Variants in FER1L6 observed in about 807,000 individuals in gnomAD.
FER1L6 encodes fer-1-like protein 6.
In FER1L6, 177 loss-of-function variants were observed where a neutral mutation model predicts 219.2. The observed-to-expected ratio is 0.81, with a 90% CI of 0.71 to 0.91. FER1L6 has a LOEUF of 0.91. Among genes scored for constraint, FER1L6 ranks in the 40% least tolerant of loss-of-function variants. The probability of loss-of-function intolerance (pLI) is 0.00; values close to 1 mark genes in which losing one functional copy is unlikely to be tolerated. For missense variants in FER1L6, 2,153 were observed against 2,259.9 expected (o/e 0.95, Z 0.96); for synonymous variants, 768 against 824.3 (o/e 0.93, Z 1.17).
At chr8:123,855,024 G>A (rs1437485242) in intron 1 of FER1L6, among the ~76,000 whole-genome samples, 1 of 152,128 alleles carries the variant, frequency 6.6e-6, no homozygotes, top group Non-Finnish European at 1.5e-5. Flanking sequence ...AGCTCCAAAG[G>A]AGACCCTATT....
chr8:123,958,404 G>A (rs1425361604), intron 2 of FER1L6, among the ~76,000 whole-genome samples: 2 of 152,166 alleles, frequency 1.3e-5, no homozygotes, highest in Admixed American at 1.3e-4. Context: ...GCATGGGTCA[G>A]GCTCCAGGTG....
At chr8:123,856,300 A>ATATGTATGTGTG (rs1816643883) in intron 1 of FER1L6, among the ~76,000 whole-genome samples, 6 of 70,468 alleles carry the variant, frequency 8.5e-5, no homozygotes, top group African/African-American at 2.9e-4. Context: ...GTGTATATAT[A>ATATGTATGTGTG]TATATATATG....
At chr8:124,009,932 AG>A (rs1817838458) in intron 13 of FER1L6, among the ~76,000 whole-genome samples, 1 of 151,858 alleles carries the variant, frequency 6.6e-6, no homozygotes, top group African/African-American at 2.4e-5. Context: ...TTCTAGTTTG[AG>A]GGTCGTGGAA....
At chr8:123,943,784 T>A (rs1258555838) in intron 1 of FER1L6, among the ~76,000 whole-genome samples, 1 of 151,858 alleles carries the variant, frequency 6.6e-6, no homozygotes, top group Non-Finnish European at 1.5e-5. Context: ...TGCTTGTCCT[T>A]AGAAACCTGG....
At chr8:124,002,593 C>T (rs1029229141) in intron 12 of FER1L6, among the ~76,000 whole-genome samples, 1 of 152,016 alleles carries the variant, frequency 6.6e-6, no homozygotes, top group East Asian at 1.9e-4. Context: ...AATATCTATT[C>T]CTATACAAAG....
chr8:123,932,111 T>A (rs2129925311), intron 1 of FER1L6, among the ~76,000 whole-genome samples: 1 of 152,206 alleles, frequency 6.6e-6, no homozygotes, highest in South Asian at 2.1e-4. Context: ...TATTTTATTT[T>A]ATTATTATTA....
Position 123,956,093 on chromosome 8 carries a change from TG to T in FER1L6, c.76+20del. On this transcript the variant is annotated intron_variant, in intron 2 of 40. Transcript: ENST00000522917. Reference sequence around the variant, plus strand: ...GCGAAAGGTGAGGCTGGGGGTGGGGTGCTGACCATTGGGGCCTGAGAGTCTC... The same window carrying T: ...GCGAAAGGTGAGGCTGGGGGTGGGGTCTGACCATTGGGGCCTGAGAGTCTC... The T allele has an allele frequency of 6.2e-7, 1 of 1,600,608 alleles. No homozygotes were observed. The highest frequency in any genetic ancestry group is 8.5e-7 in the Non-Finnish European group (1 of 1,172,596).
At chr8:124,032,281 C>T (rs940908581) in intron 18 of FER1L6, among the ~76,000 whole-genome samples, 10 of 152,066 alleles carry the variant, frequency 6.6e-5, no homozygotes, top group South Asian at 2.1e-4. Flanking sequence ...AAAAATTAGC[C>T]GGGTGTGGTG....
At chr8:124,049,452 G>A (rs1819898290) in intron 21 of FER1L6, among the ~76,000 whole-genome samples, 155 bp from the exon 22 acceptor site, 1 of 152,086 alleles carries the variant, frequency 6.6e-6, no homozygotes, top group Non-Finnish European at 1.5e-5. Flanking sequence ...CCAGACCTAC[G>A]GAAATGGGCA....
intron 11 of FER1L6, among the ~76,000 whole-genome samples, chr8:123,981,294 G>A (rs1242982688): frequency 6.6e-6 from 1 of 152,096 alleles, no homozygotes; most frequent in Non-Finnish European, 1.5e-5. Flanking sequence ...CAACTCTAGG[G>A]TATGCTTATT....
At chr8:124,114,436 A>G (rs995855852) in intron 39 of FER1L6, among the ~76,000 whole-genome samples, 1 of 152,190 alleles carries the variant, frequency 6.6e-6, no homozygotes, top group Non-Finnish European at 1.5e-5. Context: ...GTAGCAAAGA[A>G]GACTCCTAGC....
rs369866941 is a variant in FER1L6 at position 123,956,710 on chromosome 8, A to G, written c.76+636A>G. The stretch of plus-strand genomic sequence containing the variant: ...GACCGCAGAGCTTAAGCCAAGTGCA[A>G]TGAGGCTCTTCTGAGCTTAGGGTCC... On this transcript the variant is annotated intron_variant, in intron 2 of 40. Transcript: ENST00000522917. 2.5e-4 allele frequency among the ~76,000 whole-genome samples: 38 copies of G among 152,354 alleles called. 1 individual carries two copies. In the South Asian group the frequency reaches 7.5e-3, roughly 30 times the overall value.
chr8:123,882,721 G>A (rs1817130082), intron 1 of FER1L6, among the ~76,000 whole-genome samples: 1 of 152,180 alleles, frequency 6.6e-6, no homozygotes, highest in Non-Finnish European at 1.5e-5. Context: ...GTGATCAAAG[G>A]CCTTTCTAAA....
At chr8:123,933,883 A>G (rs1004052822) in intron 1 of FER1L6, among the ~76,000 whole-genome samples, 1 of 151,890 alleles carries the variant, frequency 6.6e-6, no homozygotes, top group African/African-American at 2.4e-5. Flanking sequence ...GCATTTCAAG[A>G]TAGAGTAATA....
intron 32 of FER1L6, among the ~76,000 whole-genome samples, chr8:124,076,964 A>T (rs920795870): frequency 6.6e-6 from 1 of 152,192 alleles, no homozygotes; most frequent in Non-Finnish European, 1.5e-5. Context: ...GTGTAAGGGG[A>T]CTAGGCATTC....
At chr8:123,969,706 T>TA (rs935392000) in intron 5 of FER1L6, among the ~76,000 whole-genome samples, 8 of 149,246 alleles carry the variant, frequency 5.4e-5, no homozygotes, top group Non-Finnish European at 7.4e-5. Context: ...ACAAAAAATT[T>TA]AAAAAAAAAA....
intron 16 of FER1L6, 143 bp from the exon 17 acceptor site, chr8:124,021,405 GCA>G: frequency 1.0e-6 from 1 of 957,188 alleles, no homozygotes; most frequent in African/African-American, 1.6e-5. Context: ...CAAGGAGGCA[GCA>G]TGCACGGTGG....
chr8:123,942,008 T>C (rs1814261994), intron 1 of FER1L6, among the ~76,000 whole-genome samples: 3 of 152,106 alleles, frequency 2.0e-5, no homozygotes, highest in South Asian at 2.1e-4. Flanking sequence ...TCTATCATGA[T>C]GGAAAATTGA....
At chr8:124,025,200 A>G (rs1200197468) in intron 18 of FER1L6, among the ~76,000 whole-genome samples, 12 of 115,190 alleles carry the variant, frequency 1.0e-4, no homozygotes, top group African/African-American at 4.2e-4. Context: ...TTTTAGTTTA[A>G]TTAGGTACAA....
Sources: allele counts gnomAD v4.1 joint callset (sites outside exome capture counted in the v4.1 genomes callset), GRCh38; gene constraint gnomAD v4.1.1; transcripts MANE v1.5; gene names NCBI Gene and HGNC (gene_info 2026-07-23, HGNC 2026-07-21).